The following HMGN5 variants were observed in gnomAD, a reference collection of about 807,000 sequenced individuals.
The protein encoded by HMGN5 is high mobility group nucleosome binding domain 5.
Under a neutral mutation model 9.5 loss-of-function variants are expected in HMGN5, and 4 were observed. That is an observed-to-expected ratio of 0.42 (90% CI 0.21 to 0.96). HMGN5 has a LOEUF of 0.96. Among genes scored for constraint, HMGN5 ranks in the 40% least tolerant of loss-of-function variants. The probability of loss-of-function intolerance (pLI) is 0.30; values close to 1 mark genes in which losing one functional copy is unlikely to be tolerated. For missense variants in HMGN5, 192 were observed against 187.5 expected, an observed-to-expected ratio of 1.02 and a Z score of -0.14; for synonymous variants, 55 against 57.1, an observed-to-expected ratio of 0.96 and a Z score of 0.16.
In HMGN5 at chrX:81,144,312, A is replaced by G. The variant is rs901520526; in HGVS notation, c.-123-22640T>C. Among the ~76,000 whole-genome samples the G allele has an allele frequency of 6.3e-5, 7 of 111,694 alleles. No individual in the cohort carries two copies. In the East Asian group the frequency reaches 1.7e-3, roughly 27 times the overall value. On this transcript the variant is annotated intron_variant, in intron 1 of 6. Transcript: ENST00000358130. ...CTTCCAGAGGAAGGAACAGGCAGCA[A>G]TCTTTGCTGTTCTGCAACCTCCACT...
At chrX:81,120,656 G>T (rs1229784470) in intron 2 of HMGN5, among the ~76,000 whole-genome samples, 8 of 111,302 alleles carry the variant, frequency 7.2e-5, no homozygotes, top group Non-Finnish European at 1.1e-4. Flanking sequence ...TTAGCATAGT[G>T]TTATACGGTT....
chrX:81,189,404 C>G (rs1010939794), intron 1 of HMGN5, among the ~76,000 whole-genome samples: 1 of 111,776 alleles, frequency 8.9e-6, no homozygotes, highest in African/African-American at 3.3e-5. Flanking sequence ...CTACCCCCAG[C>G]CCCTGGAAGC....
intron 1 of HMGN5, among the ~76,000 whole-genome samples, chrX:81,157,752 T>TA: frequency 9.0e-6 from 1 of 111,381 alleles, no homozygotes. Flanking sequence ...TGGAGTTATA[T>TA]AAAAAATTTT....
chrX:81,152,625 C>T (rs1400130405), intron 1 of HMGN5, among the ~76,000 whole-genome samples: 3 of 111,093 alleles, frequency 2.7e-5, no homozygotes, highest in African/African-American at 9.9e-5. Flanking sequence ...TACCATTTGA[C>T]CTAGCCATCC....
intron 1 of HMGN5, among the ~76,000 whole-genome samples, chrX:81,155,773 G>T (rs2075381423): frequency 8.9e-6 from 1 of 111,807 alleles, no homozygotes; most frequent in Non-Finnish European, 1.9e-5. Flanking sequence ...AGGAGCTGGG[G>T]GCAGTAGTTA....
At chrX:81,190,675 A>G (rs993576806) in intron 1 of HMGN5, among the ~76,000 whole-genome samples, 1 of 111,638 alleles carries the variant, frequency 9.0e-6, no homozygotes, top group African/African-American at 3.3e-5. Flanking sequence ...ATTTTCTCCT[A>G]TGGTATCTTC....
At chrX:81,198,983 T>C (rs755473844) in intron 1 of HMGN5, among the ~76,000 whole-genome samples, 1 of 111,927 alleles carries the variant, frequency 8.9e-6, no homozygotes, top group South Asian at 3.7e-4. Context: ...AAAATCCCAT[T>C]GTTTCAGCCC....
intron 1 of HMGN5, among the ~76,000 whole-genome samples, chrX:81,173,211 G>A (rs911561100): frequency 1.2e-4 from 13 of 110,563 alleles, no homozygotes; most frequent in African/African-American, 2.6e-4. Flanking sequence ...ATGAAGACCC[G>A]CTCTTTATTT....
Position 81,187,237 on chromosome X carries a change from C to G in HMGN5, c.-124+14500G>C, listed in dbSNP as rs764324269. On this transcript the variant is annotated intron_variant, in intron 1 of 6. Coordinates refer to ENST00000358130, the MANE Select transcript of HMGN5 (RefSeq NM_030763.3). ...CTTTGGTCTATAGTGGAGATTATTT[C>G]TAATGTTGCTTTGTTGATTTTCTTT... Among the ~76,000 whole-genome samples, 367 of 111,449 alleles carry G rather than the reference C, an allele frequency of 3.3e-3. 2 individuals carry two copies. Among genetic ancestry groups the G allele is most frequent in the South Asian group, 8.2e-3 (22 of 2,696 alleles).
intron 1 of HMGN5, among the ~76,000 whole-genome samples, chrX:81,200,705 C>T (rs1312922590): frequency 9.0e-6 from 1 of 110,936 alleles, no homozygotes; most frequent in Non-Finnish European, 1.9e-5. Context: ...CGGGGCCAGT[C>T]GGGGGGTGGG....
intron 1 of HMGN5, among the ~76,000 whole-genome samples, chrX:81,168,156 C>A (rs1385608340): frequency 8.9e-6 from 1 of 112,126 alleles, no homozygotes; most frequent in African/African-American, 3.2e-5. Context: ...GCTTCTCTCT[C>A]TATAGGCTAT....
At chrX:81,184,931 A>T (rs1053841761) in intron 1 of HMGN5, among the ~76,000 whole-genome samples, 1 of 111,234 alleles carries the variant, frequency 9.0e-6, no homozygotes, top group Non-Finnish European at 1.9e-5. Flanking sequence ...AAATGAGTTC[A>T]CTTTAGGTGT....
At chrX:81,177,887 A>G (rs1328835665) in intron 1 of HMGN5, among the ~76,000 whole-genome samples, 1 of 112,257 alleles carries the variant, frequency 8.9e-6, no homozygotes, top group Non-Finnish European at 1.9e-5. Context: ...GTGCAAGCAA[A>G]TTAGAACTCA....
At chrX:81,141,492 A>AGAAAG (rs2075329775) in intron 1 of HMGN5, among the ~76,000 whole-genome samples, 4 of 47,784 alleles carry the variant, frequency 8.4e-5, no homozygotes, top group African/African-American at 1.3e-4. Flanking sequence ...GAGAGAGAGA[A>AGAAAG]AGAGAGAGAG....
chrX:81,198,430 A>G (rs1470961233), intron 1 of HMGN5, among the ~76,000 whole-genome samples: 1 of 111,153 alleles, frequency 9.0e-6, no homozygotes, highest in Admixed American at 9.6e-5. Flanking sequence ...ACAAAAAAGG[A>G]GAATTTTAGG....
chrX:81,185,980 G>T (rs2147647645), intron 1 of HMGN5, among the ~76,000 whole-genome samples: 1 of 111,759 alleles, frequency 8.9e-6, no homozygotes, highest in South Asian at 3.7e-4. Context: ...TGGTGATCAT[G>T]AATGATATTT....
chrX:81,118,580 ATGAG>A, intron 4 of HMGN5, 95 bp from the exon 5 acceptor site: 1 of 828,272 alleles, frequency 1.2e-6, no homozygotes, highest in Admixed American at 3.1e-5. Context: ...ATTAAAATAA[ATGAG>A]TATTAGGAAA....
chrX:81,129,637 T>G (rs2147545211), intron 1 of HMGN5, among the ~76,000 whole-genome samples: 1 of 112,063 alleles, frequency 8.9e-6, no homozygotes, highest in Non-Finnish European at 1.9e-5. Flanking sequence ...CACTTCTCTT[T>G]ATAAATTATA....
At chrX:81,128,044 ATG>A (rs1204592606) in intron 1 of HMGN5, among the ~76,000 whole-genome samples, 2 of 110,516 alleles carry the variant, frequency 1.8e-5, no homozygotes, top group African/African-American at 3.3e-5. Flanking sequence ...CATCATATAT[ATG>A]TGTGTGTGTG....
Sources: gnomAD v4.1 joint callset for allele counts (sites outside exome capture counted in the v4.1 genomes callset) on GRCh38, gnomAD v4.1.1 for gene constraint, MANE v1.5 for transcripts, NCBI Gene and HGNC (gene_info 2026-07-23, HGNC 2026-07-21) for gene names.